The following PDGFC variants were observed in gnomAD, a reference collection of about 807,000 sequenced individuals.
The protein encoded by PDGFC is platelet derived growth factor C, also known as platelet-derived growth factor C.
In PDGFC, 12 loss-of-function variants were observed where a neutral mutation model predicts 35.5. The observed-to-expected ratio is 0.34, with a 90% CI of 0.22 to 0.55. PDGFC has a LOEUF of 0.55. Ranked by LOEUF, PDGFC falls within the 20% of genes least tolerant of loss-of-function variation. The pLI, the probability that PDGFC is intolerant of heterozygous loss-of-function variation, is 0.91. For missense variants in PDGFC, 322 were observed against 412.4 expected (o/e 0.78, Z 1.90); for synonymous variants, 159 against 148.8 (o/e 1.07, Z -0.50).
intron 3 of PDGFC, among the ~76,000 whole-genome samples, chr4:156,784,754 T>A (rs1378309574): frequency 1.3e-5 from 2 of 152,188 alleles, no homozygotes; most frequent in Non-Finnish European, 1.5e-5. Context: ...GGCAAAAATA[T>A]TTTTCTCATG....
chr4:156,925,654 CTAGATA>C (rs1731391575), intron 1 of PDGFC, among the ~76,000 whole-genome samples: 1 of 151,320 alleles, frequency 6.6e-6, no homozygotes, highest in Non-Finnish European at 1.5e-5. Context: ...CATCAGAACT[CTAGATA>C]TAGATACATG....
intron 1 of PDGFC, among the ~76,000 whole-genome samples, chr4:156,906,193 A>C (rs1730911973): frequency 6.6e-6 from 1 of 152,180 alleles, no homozygotes; most frequent in African/African-American, 2.4e-5. Flanking sequence ...GGTGTACCCA[A>C]ACAATTAAAT....
At chr4:156,851,930 C>CAAAAAAAAAAAAAAAAAAAAAAAAA (rs61505882) in intron 1 of PDGFC, among the ~76,000 whole-genome samples, 9 of 47,852 alleles carry the variant, frequency 1.9e-4, no homozygotes, top group African/African-American at 6.0e-4. Flanking sequence ...GACTCCATCT[C>CAAAAAAAAAAAAAAAAAAAAAAAAA]AAAAAAAAAA....
chr4:156,852,373 C>T (rs951029881), intron 1 of PDGFC, among the ~76,000 whole-genome samples: 8 of 152,130 alleles, frequency 5.3e-5, no homozygotes, highest in African/African-American at 1.9e-4. Flanking sequence ...TCAGATTAAA[C>T]CCTACATGTT....
chr4:156,814,288 C>T (rs1484466551), intron 2 of PDGFC, among the ~76,000 whole-genome samples: 1 of 152,106 alleles, frequency 6.6e-6, no homozygotes, highest in Non-Finnish European at 1.5e-5. Context: ...GAAACAGTAA[C>T]ATTTCAAGTG....
intron 2 of PDGFC, among the ~76,000 whole-genome samples, chr4:156,843,625 T>A (rs1729256922): frequency 6.6e-6 from 1 of 152,176 alleles, no homozygotes; most frequent in South Asian, 2.1e-4. Flanking sequence ...GGTACTGAAT[T>A]TTTTGTTTGT....
chr4:156,960,701 A>C (rs1423782287), intron 1 of PDGFC, among the ~76,000 whole-genome samples: 1 of 151,988 alleles, frequency 6.6e-6, no homozygotes, highest in African/African-American at 2.4e-5. Flanking sequence ...GTACAGATCT[A>C]TATTTTTCAT....
chr4:156,832,467 G>C (rs1728967649), intron 2 of PDGFC, among the ~76,000 whole-genome samples: 1 of 151,920 alleles, frequency 6.6e-6, no homozygotes, highest in Non-Finnish European at 1.5e-5. Context: ...ATGTTGGCCA[G>C]GCTGGCCTCG....
intron 1 of PDGFC, among the ~76,000 whole-genome samples, chr4:156,965,316 G>A (rs1732439916): frequency 6.6e-6 from 1 of 152,098 alleles, no homozygotes; most frequent in Admixed American, 6.5e-5. Flanking sequence ...TGCCATACCT[G>A]TCTCAGGTGC....
intron 1 of PDGFC, among the ~76,000 whole-genome samples, chr4:156,887,448 A>C (rs1354633022): frequency 1.3e-5 from 2 of 152,150 alleles, no homozygotes; most frequent in African/African-American, 4.8e-5. Context: ...GAAAATTAAG[A>C]GTCTACCTGA....
intron 1 of PDGFC, among the ~76,000 whole-genome samples, chr4:156,852,930 T>C (rs891048559): frequency 6.6e-6 from 1 of 152,126 alleles, no homozygotes; most frequent in Non-Finnish European, 1.5e-5. Flanking sequence ...CCTGGTCAGC[T>C]TGGAAGCAGA....
At chr4:156,834,897 G>C (rs1468172291) in intron 2 of PDGFC, among the ~76,000 whole-genome samples, 1 of 151,544 alleles carries the variant, frequency 6.6e-6, no homozygotes, top group Admixed American at 6.6e-5. Flanking sequence ...TCATGGTCTT[G>C]AGTCATATAG....
chr4:156,910,387 G>A (rs7690980), intron 1 of PDGFC, among the ~76,000 whole-genome samples: 3,482 of 151,770 alleles, frequency 0.023, 125 homozygotes, highest in African/African-American at 0.078. Flanking sequence ...CTTTTTAATC[G>A]CTGAGCAGTA....
intron 1 of PDGFC, among the ~76,000 whole-genome samples, chr4:156,899,722 G>A (rs900965538): frequency 1.3e-5 from 2 of 152,184 alleles, no homozygotes; most frequent in Non-Finnish European, 2.9e-5. Context: ...GGCTGAGGCA[G>A]GAGGATTGCT....
intron 1 of PDGFC, among the ~76,000 whole-genome samples, chr4:156,891,754 T>C (rs530858282): frequency 6.6e-6 from 1 of 152,282 alleles, no homozygotes; most frequent in South Asian, 2.1e-4. Flanking sequence ...CGCTTTAATA[T>C]GTGTCCTAAG....
intron 1 of PDGFC, among the ~76,000 whole-genome samples, chr4:156,881,673 A>C (rs1240977882): frequency 6.6e-6 from 1 of 152,000 alleles, no homozygotes; most frequent in Non-Finnish European, 1.5e-5. Context: ...TCTACTAAAA[A>C]TACAAAATTA....
chr4:156,796,491 ATTTTTTTTT>A (rs35891804), intron 3 of PDGFC, among the ~76,000 whole-genome samples: 10 of 101,600 alleles, frequency 9.8e-5, no homozygotes, highest in South Asian at 3.2e-4. Flanking sequence ...ACCACTTTGT[ATTTTTTTTT>A]TTTTTTTTTT....
At chr4:156,826,752 A>G (rs545867278) in intron 2 of PDGFC, among the ~76,000 whole-genome samples, 2 of 152,328 alleles carry the variant, frequency 1.3e-5, no homozygotes, top group East Asian at 3.9e-4. Flanking sequence ...AGGCCTATCA[A>G]AGCAATACCA....
intron 2 of PDGFC, among the ~76,000 whole-genome samples, chr4:156,829,365 G>A (rs1728869968): frequency 6.6e-6 from 1 of 152,156 alleles, no homozygotes; most frequent in Admixed American, 6.5e-5. Context: ...ATTGTAATAA[G>A]TCCTGCTAAG....
Sources: gnomAD v4.1 joint callset for allele counts (sites outside exome capture counted in the v4.1 genomes callset) on GRCh38, gnomAD v4.1.1 for gene constraint, MANE v1.5 for transcripts, NCBI Gene and HGNC (gene_info 2026-07-23, HGNC 2026-07-21) for gene names.